Variants in IGFL2 observed in about 807,000 individuals in gnomAD.
The protein encoded by IGFL2 is IGF like family member 2.
In IGFL2, 7 loss-of-function variants were observed where a neutral mutation model predicts 13.9. The ratio of observed to expected loss-of-function variants is 0.51; its 90% CI spans 0.29 to 0.95. IGFL2 has a LOEUF of 0.95. Ranked by LOEUF, IGFL2 falls within the 40% of genes least tolerant of loss-of-function variation. The probability of loss-of-function intolerance (pLI) is 0.08; values close to 1 mark genes in which losing one functional copy is unlikely to be tolerated. For missense variants in IGFL2, 138 were observed against 147.8 expected (o/e 0.93, Z 0.34); for synonymous variants, 55 against 55.8 (o/e 0.99, Z 0.07).
At chr19:46,121,518 G>A in the IGFL2 span, among the ~76,000 whole-genome samples, 1 of 150,576 alleles carries the variant, frequency 6.6e-6, no homozygotes, top group Admixed American at 6.6e-5. Flanking sequence ...GAGAGGAGTA[G>A]TATTTTCTCT....
the IGFL2 span, among the ~76,000 whole-genome samples, chr19:46,174,398 G>A: frequency 6.6e-6 from 1 of 152,206 alleles, no homozygotes; most frequent in Non-Finnish European, 1.5e-5. Flanking sequence ...TTACAATTAT[G>A]TAAGAACTCT....
the IGFL2 span, among the ~76,000 whole-genome samples, chr19:46,100,763 C>T: frequency 6.6e-6 from 1 of 152,166 alleles, no homozygotes; most frequent in African/African-American, 2.4e-5. Flanking sequence ...TGACCCAGTT[C>T]CCAGCTTGAC....
the IGFL2 span, among the ~76,000 whole-genome samples, chr19:46,121,367 C>T: frequency 6.9e-6 from 1 of 143,926 alleles, no homozygotes; most frequent in Non-Finnish European, 1.5e-5. Flanking sequence ...GCACTCCAGC[C>T]TGGGTGACAA....
the IGFL2 span, among the ~76,000 whole-genome samples, chr19:46,131,908 CA>C: frequency 6.6e-6 from 1 of 152,174 alleles, no homozygotes; most frequent in Non-Finnish European, 1.5e-5. Flanking sequence ...TACTGCACTC[CA>C]GCCTGGGGAG....
downstream of IGFL2, chr19:46,164,307 A>G (rs1974293838): frequency 6.6e-6 from 1 of 152,074 alleles, no homozygotes; most frequent in Non-Finnish European, 1.5e-5. Context: ...GGACCCATTT[A>G]AAGAAGAAGT....
the IGFL2 span, among the ~76,000 whole-genome samples, chr19:46,120,724 T>C: frequency 6.6e-6 from 1 of 150,980 alleles, no homozygotes; most frequent in Non-Finnish European, 1.5e-5. Flanking sequence ...ATACAGATAT[T>C]ATAAACTTCT....
chr19:46,154,504 C>T (rs1358214334), intron 1 of IGFL2, among the ~76,000 whole-genome samples: 10 of 152,226 alleles, frequency 6.6e-5, no homozygotes, highest in Middle Eastern at 3.4e-3. Flanking sequence ...AGTGCAGTGG[C>T]GCGATCTCAG....
chr19:46,169,694 A>G, the IGFL2 span, among the ~76,000 whole-genome samples: 1 of 152,062 alleles, frequency 6.6e-6, no homozygotes, highest in Non-Finnish European at 1.5e-5. Flanking sequence ...CTAAAAATAC[A>G]AAAATCAACC....
the IGFL2 span, among the ~76,000 whole-genome samples, chr19:46,168,670 T>C: frequency 1.3e-5 from 2 of 152,234 alleles, no homozygotes; most frequent in East Asian, 3.9e-4. Flanking sequence ...CTTGTCCCCC[T>C]TTTTTTGCCT....
the IGFL2 span, among the ~76,000 whole-genome samples, chr19:46,085,621 A>G: frequency 6.6e-6 from 1 of 152,200 alleles, no homozygotes; most frequent in Non-Finnish European, 1.5e-5. Flanking sequence ...GCCTGTTTAC[A>G]TTCAAGTTTA....
chr19:46,193,704 T>TA, the IGFL2 span, among the ~76,000 whole-genome samples: 6 of 152,316 alleles, frequency 3.9e-5, no homozygotes, highest in East Asian at 7.7e-4. Flanking sequence ...CTGCAAAACT[T>TA]ACAGCTGCAC....
the IGFL2 span, chr19:46,174,143 C>T: frequency 6.6e-6 from 1 of 152,202 alleles, no homozygotes; most frequent in African/African-American, 2.4e-5. Context: ...GAATACAGAC[C>T]CACCTTTTCC....
the IGFL2 span, among the ~76,000 whole-genome samples, chr19:46,109,607 C>T: frequency 5.4e-3 from 822 of 152,188 alleles, 6 homozygotes; most frequent in African/African-American, 0.017. Flanking sequence ...TGAGACACCG[C>T]GCCCGGCCCA....
chr19:46,092,184 G>C, the IGFL2 span, among the ~76,000 whole-genome samples: 1 of 152,184 alleles, frequency 6.6e-6, no homozygotes, highest in Admixed American at 6.5e-5. Context: ...TTAGAGATTG[G>C]GGTCTTGTTC....
chr19:46,134,795 A>C, the IGFL2 span, among the ~76,000 whole-genome samples: 10 of 152,304 alleles, frequency 6.6e-5, no homozygotes, highest in South Asian at 2.1e-3. Flanking sequence ...ACTGCCTGCT[A>C]TGCAGCCCAG....
chr19:46,177,347 C>T, the IGFL2 span, among the ~76,000 whole-genome samples: 3 of 152,106 alleles, frequency 2.0e-5, no homozygotes, highest in East Asian at 1.9e-4. Context: ...GAGCTGAGAT[C>T]GTACCACTAC....
At chr19:46,099,470 GGTTTGGTCTTTTTACATA>G in the IGFL2 span, among the ~76,000 whole-genome samples, 2 of 151,354 alleles carry the variant, frequency 1.3e-5, no homozygotes, top group Non-Finnish European at 2.9e-5. Flanking sequence ...ATCAGTCATA[GGTTTGGTCTTTTTACATA>G]GTCTCATAGT....
At chr19:46,098,532 T>C in the IGFL2 span, among the ~76,000 whole-genome samples, 1 of 144,274 alleles carries the variant, frequency 6.9e-6, no homozygotes, top group Non-Finnish European at 1.5e-5. Flanking sequence ...CAGGCTGGAG[T>C]GCAGTGGTAT....
chr19:46,101,467 G>A, the IGFL2 span, among the ~76,000 whole-genome samples: 1 of 152,238 alleles, frequency 6.6e-6, no homozygotes, highest in African/African-American at 2.4e-5. Context: ...GAGGAGGGAT[G>A]GGTCAGGGTC....
Sources: gnomAD v4.1 joint callset for allele counts (sites outside exome capture counted in the v4.1 genomes callset) on GRCh38, gnomAD v4.1.1 for gene constraint, MANE v1.5 for transcripts, NCBI Gene and HGNC (gene_info 2026-07-23, HGNC 2026-07-21) for gene names.